MCM9: variants seen among roughly 807,000 people sequenced by gnomAD.
MCM9 encodes the protein DNA helicase MCM9.
In MCM9, 55 loss-of-function variants were observed where a neutral mutation model predicts 72.8. The ratio of observed to expected loss-of-function variants is 0.76; its 90% CI spans 0.61 to 0.95. The LOEUF (loss-of-function observed/expected upper bound fraction) is 0.95, where lower values mean the gene tolerates loss of function less well. Ranked by LOEUF, MCM9 falls within the 40% of genes least tolerant of loss-of-function variation. The probability of loss-of-function intolerance (pLI) is 0.00; values close to 1 mark genes in which losing one functional copy is unlikely to be tolerated. For synonymous variants in MCM9, 480 were observed against 503.4 expected (o/e 0.95, Z 0.62); for missense variants, 1,279 against 1,377.0 (o/e 0.93, Z 1.13).
intron 9 of MCM9, among the ~76,000 whole-genome samples, chr6:118,843,688 G>GTGTGTGTGTGTATATATGTATA (rs1775631958): frequency 1.6e-5 from 1 of 64,154 alleles, no homozygotes; most frequent in African/African-American, 6.6e-5. Flanking sequence ...ATATATATGT[G>GTGTGTGTGTGTATATATGTATA]TATATATATA....
At chr6:118,844,944 C>A (rs1488110338) in intron 9 of MCM9, among the ~76,000 whole-genome samples, 1 of 151,862 alleles carries the variant, frequency 6.6e-6, no homozygotes, top group East Asian at 1.9e-4. Flanking sequence ...AAGCACATAA[C>A]CCCACAATTC....
At chr6:118,853,153 T>A (rs1329658586) in intron 9 of MCM9, among the ~76,000 whole-genome samples, 1 of 152,160 alleles carries the variant, frequency 6.6e-6, no homozygotes, top group Non-Finnish European at 1.5e-5. Flanking sequence ...ATATGGATAG[T>A]CAAGTGTTCT....
intron 5 of MCM9, chr6:118,920,587 C>T (rs9374757): frequency 0.29 from 43,664 of 152,146 alleles, 7,639 homozygotes; most frequent in African/African-American, 0.49. Context: ...GCTTGGGCCA[C>T]CCTTTTGGTG....
At chr6:118,881,032 TAAC>T (rs1308015385) in intron 8 of MCM9, among the ~76,000 whole-genome samples, 5 of 152,162 alleles carry the variant, frequency 3.3e-5, no homozygotes, top group Non-Finnish European at 5.9e-5. Context: ...AGAACAATTA[TAAC>T]AATATACTGC....
At chr6:118,844,930 C>T (rs997987300) in intron 9 of MCM9, among the ~76,000 whole-genome samples, 1 of 151,814 alleles carries the variant, frequency 6.6e-6, no homozygotes, top group African/African-American at 2.4e-5. Context: ...CTGGAAAGTA[C>T]CCCAAGCACA....
chr6:118,889,795 C>A (rs1053578007), intron 8 of MCM9, among the ~76,000 whole-genome samples: 1 of 152,060 alleles, frequency 6.6e-6, no homozygotes, highest in Non-Finnish European at 1.5e-5. Flanking sequence ...ACTGATGTAA[C>A]CTATGGCTAT....
At chr6:118,869,374 C>T (rs1243984786) in intron 8 of MCM9, among the ~76,000 whole-genome samples, 4 of 151,844 alleles carry the variant, frequency 2.6e-5, no homozygotes, top group Non-Finnish European at 5.9e-5. Context: ...CAAACCTGCA[C>T]GTTGTGCACA....
At chr6:118,831,940 A>G (rs1302795813) in intron 9 of MCM9, among the ~76,000 whole-genome samples, 1 of 152,200 alleles carries the variant, frequency 6.6e-6, no homozygotes, top group African/African-American at 2.4e-5. Flanking sequence ...AACTTCCCCA[A>G]GGTTACACTG....
At chr6:118,913,495 A>C in intron 6 of MCM9, 75 bp from the exon 7 acceptor site, 1 of 1,572,444 alleles carries the variant, frequency 6.4e-7, no homozygotes, top group Non-Finnish European at 8.7e-7. Flanking sequence ...TTCCTTTCCT[A>C]TCTGACCATC....
At chr6:118,855,588 T>C (rs1007255753) in intron 9 of MCM9, among the ~76,000 whole-genome samples, 1 of 152,166 alleles carries the variant, frequency 6.6e-6, no homozygotes, top group South Asian at 2.1e-4. Flanking sequence ...AGAATCTCTA[T>C]ATACCAGTGT....
chr6:118,864,952 A>G (rs960499038), intron 8 of MCM9, among the ~76,000 whole-genome samples: 1 of 152,100 alleles, frequency 6.6e-6, no homozygotes, highest in Non-Finnish European at 1.5e-5. Context: ...TTGTCTTCTA[A>G]CGAACTTGCT....
chr6:118,918,337 G>A (rs1472551598), intron 5 of MCM9: 4 of 152,934 alleles, frequency 2.6e-5, no homozygotes, highest in Non-Finnish European at 5.8e-5. Flanking sequence ...ATAAATGCCT[G>A]TTATGCTTCA....
intron 8 of MCM9, among the ~76,000 whole-genome samples, chr6:118,870,635 T>A (rs1777541093): frequency 1.3e-5 from 2 of 151,082 alleles, no homozygotes; most frequent in Non-Finnish European, 3.0e-5. Context: ...ATAACAAATA[T>A]CAGAGCAGAA....
At chr6:118,848,385 TA>T (rs1200479953) in intron 9 of MCM9, among the ~76,000 whole-genome samples, 1 of 151,802 alleles carries the variant, frequency 6.6e-6, no homozygotes. Flanking sequence ...AGCCCTAGAA[TA>T]GGGGTTGTCA....
intron 9 of MCM9, among the ~76,000 whole-genome samples, chr6:118,836,870 TGTC>T (rs1456287797): frequency 6.6e-6 from 1 of 152,218 alleles, no homozygotes; most frequent in Non-Finnish European, 1.5e-5. Context: ...AGTTATTTCT[TGTC>T]TTCTGCTAGC....
intron 8 of MCM9, among the ~76,000 whole-genome samples, chr6:118,872,067 C>T (rs1266477053): frequency 6.6e-6 from 1 of 152,044 alleles, no homozygotes; most frequent in Non-Finnish European, 1.5e-5. Context: ...CCTGTAATCC[C>T]AGCACTTTGG....
intron 3 of MCM9, among the ~76,000 whole-genome samples, chr6:118,928,106 G>A (rs1223919223): frequency 6.6e-6 from 1 of 152,144 alleles, no homozygotes; most frequent in African/African-American, 2.4e-5. Context: ...AAGAAGCAAT[G>A]CAGTGGTTAA....
At chr6:118,922,171 T>C (rs1781486535) in intron 4 of MCM9, 85 bp from the exon 5 acceptor site, 1 of 1,019,666 alleles carries the variant, frequency 9.8e-7, no homozygotes, top group African/African-American at 1.6e-5. Flanking sequence ...AAATTACTAT[T>C]TTTATTTCTC....
chr6:118,849,931 C>A (rs1017495825), intron 9 of MCM9, among the ~76,000 whole-genome samples: 1 of 151,682 alleles, frequency 6.6e-6, no homozygotes, highest in Non-Finnish European at 1.5e-5. Context: ...GAATATCTAT[C>A]AGGGATGGAA....
Sources: gnomAD v4.1 joint callset for allele counts (sites outside exome capture counted in the v4.1 genomes callset) on GRCh38, gnomAD v4.1.1 for gene constraint, MANE v1.5 for transcripts, NCBI Gene and HGNC (gene_info 2026-07-23, HGNC 2026-07-21) for gene names.